Variants in SRRM4 observed in about 807,000 individuals in gnomAD.
SRRM4 encodes serine/arginine repetitive matrix protein 4.
SRRM4 carries 33 observed loss-of-function variants against 68.9 expected under a neutral mutation model. The observed-to-expected ratio is 0.48, with a 90% CI of 0.36 to 0.64. The LOEUF (loss-of-function observed/expected upper bound fraction) is 0.64, where lower values mean the gene tolerates loss of function less well. SRRM4 is among the 30% of genes least tolerant of loss of function. The pLI, the probability that SRRM4 is intolerant of heterozygous loss-of-function variation, is 0.00. For missense variants in SRRM4, 817 were observed against 827.1 expected (o/e 0.99, Z 0.15); for synonymous variants, 318 against 318.8 (o/e 1.00, Z 0.03).
chr12:119,149,244 A>G (rs1395815423), intron 9 of SRRM4, among the ~76,000 whole-genome samples: 4 of 152,206 alleles, frequency 2.6e-5, no homozygotes, highest in Admixed American at 1.3e-4. Flanking sequence ...GCCACTCGGG[A>G]GGCTGAGGCA....
At chr12:119,118,573 C>T (rs1013409510) in intron 4 of SRRM4, among the ~76,000 whole-genome samples, 2 of 152,158 alleles carry the variant, frequency 1.3e-5, no homozygotes, top group Non-Finnish European at 2.9e-5. Flanking sequence ...CATGGGCAAA[C>T]TAATTAGTGA....
rs1330185164 is a variant in SRRM4 at position 119,130,697 on chromosome 12, G to A, written c.634G>A (p.Glu212Lys). ...CCCCAGGCACCGCGGCCGGTCCCCT[G>A]AGGAAGGGCAGAAGTCCCGCCGAAG... ...CESRHRGRSP[E>K]EGQKSRRRHS... Residue 212 changes from glutamate to lysine, a missense_variant, in exon 8 of 13, where the codon GAG becomes AAG. By Grantham distance (56) the Glu-to-Lys change is moderately conservative (BLOSUM62 1). Coordinates refer to ENST00000267260, the MANE Select transcript of SRRM4 (RefSeq NM_194286.4). 1 of 1,611,250 alleles carries A rather than the reference G, an allele frequency of 6.2e-7. No homozygotes were observed. The highest frequency in any genetic ancestry group is 1.7e-5 in the Admixed American group (1 of 59,940).
chr12:119,105,536 A>G (rs921887214), intron 2 of SRRM4, among the ~76,000 whole-genome samples: 3 of 152,180 alleles, frequency 2.0e-5, no homozygotes, highest in South Asian at 4.2e-4. Flanking sequence ...ATGGTATCTC[A>G]TTGTAGTTTT....
At chr12:119,125,646 G>T (rs1270342643) in intron 7 of SRRM4, among the ~76,000 whole-genome samples, 167 bp downstream of exon 7, 1 of 152,200 alleles carries the variant, frequency 6.6e-6, no homozygotes, top group Non-Finnish European at 1.5e-5. Flanking sequence ...GAGAGCCTGG[G>T]TGCGGTGGCT....
chr12:119,032,738 A>G lies in SRRM4; in HGVS notation c.131+50725A>G, dbSNP rs139347715. 6.1e-3 allele frequency among the ~76,000 whole-genome samples: 927 copies of G among 152,292 alleles called. 4 individuals carry two copies. Among genetic ancestry groups the G allele is most frequent in the African/African-American group, 0.019 (803 of 41,564 alleles). ...GATATTGCTGGTTCTTGGAGGTTGGAAAGATCTTACTCTAGAGTGGCCAAG... is the reference window on the plus strand; with the variant it reads ...GATATTGCTGGTTCTTGGAGGTTGGGAAGATCTTACTCTAGAGTGGCCAAG... On this transcript the variant is annotated intron_variant, in intron 1 of 12. Transcript: ENST00000267260.
At chr12:119,063,805 T>A (rs1953829057) in intron 1 of SRRM4, among the ~76,000 whole-genome samples, 1 of 152,086 alleles carries the variant, frequency 6.6e-6, no homozygotes, top group African/African-American at 2.4e-5. Flanking sequence ...AAATAAAGAA[T>A]ACCATCAAAC....
chr12:119,109,461 G>A (rs1429675288), intron 2 of SRRM4, among the ~76,000 whole-genome samples: 1 of 152,180 alleles, frequency 6.6e-6, no homozygotes, highest in Non-Finnish European at 1.5e-5. Flanking sequence ...ATACCAATCA[G>A]ACATAGATTT....
Position 119,125,387 on chromosome 12 carries a change from A to G in SRRM4, c.522A>G (p.Arg174=). The G allele has an allele frequency of 6.2e-7, 1 of 1,612,064 alleles. No homozygotes were observed. Among genetic ancestry groups the G allele is most frequent in the Non-Finnish European group, 8.5e-7 (1 of 1,179,132 alleles). ...TCCTTCTCATCCCCCCAAGATCTCG[A>G]AGCCGGCCCCGAAAGTCTCACCGCC... is the stretch of plus-strand genomic sequence containing the variant. ...RDEKRHKKQS[R]SRPRKSHRHR... The change falls in exon 7 of 13, where the codon CGA becomes CGG. Residue 174 remains arginine, a synonymous_variant. Coordinates refer to ENST00000267260, the MANE Select transcript of SRRM4 (RefSeq NM_194286.4).
At chr12:118,991,313 C>G (rs111674519) in intron 1 of SRRM4, among the ~76,000 whole-genome samples, 1 of 152,214 alleles carries the variant, frequency 6.6e-6, no homozygotes. Flanking sequence ...GAAAGCTCTT[C>G]CTCTCCCCTG....
chr12:119,005,368 C>A (rs1201875139), intron 1 of SRRM4, among the ~76,000 whole-genome samples: 1 of 152,206 alleles, frequency 6.6e-6, no homozygotes, highest in Non-Finnish European at 1.5e-5. Flanking sequence ...AACTTGGAGG[C>A]TCATGGGAAT....
At chr12:119,033,662 C>CAAAA (rs34508021) in intron 1 of SRRM4, among the ~76,000 whole-genome samples, 1 of 139,654 alleles carries the variant, frequency 7.2e-6, no homozygotes, top group African/African-American at 2.7e-5. Flanking sequence ...GACTCCATCT[C>CAAAA]AAAAAAAAAA....
intron 1 of SRRM4, among the ~76,000 whole-genome samples, chr12:118,988,550 G>A (rs1478467657): frequency 6.6e-6 from 1 of 152,162 alleles, no homozygotes; most frequent in Non-Finnish European, 1.5e-5. Flanking sequence ...CCAGTGATGG[G>A]GGGATTATAG....
chr12:119,117,271 T>G (rs972321705), intron 4 of SRRM4, among the ~76,000 whole-genome samples: 2 of 152,132 alleles, frequency 1.3e-5, no homozygotes, highest in African/African-American at 4.8e-5. Context: ...AGCAAGGGGC[T>G]AGAACAAGGA....
chr12:119,073,699 C>A (rs1181502055), intron 1 of SRRM4, among the ~76,000 whole-genome samples: 1 of 152,176 alleles, frequency 6.6e-6, no homozygotes, highest in Non-Finnish European at 1.5e-5. Context: ...TAGCTTACTG[C>A]AGGCTTGAAC....
In SRRM4 at chr12:119,145,703, G is replaced by A; in HGVS notation, c.1076+18G>A. On this transcript the variant is annotated intron_variant, in intron 9 of 12. Coordinates refer to ENST00000267260, the MANE Select transcript of SRRM4 (RefSeq NM_194286.4). ...GAGTCAAGGTCAGTGCACCACACAGGGTCGGGGGTAGACGGTCTCCCACCT... is the reference window on the plus strand; with the variant it reads ...GAGTCAAGGTCAGTGCACCACACAGAGTCGGGGGTAGACGGTCTCCCACCT... 6.7e-7 allele frequency: 1 copy of A among 1,489,376 alleles called. No homozygotes were observed. Among genetic ancestry groups the A allele is most frequent in the East Asian group, 2.4e-5 (1 of 41,508 alleles). The allele number at this position is 1,489,376 out of a possible 1,614,324, so 92.3% of individuals were successfully genotyped here. A position where few individuals can be genotyped will look rare whatever the true frequency, so the allele number is the denominator to read the frequency against.
chr12:118,997,455 G>A (rs1414034848), intron 1 of SRRM4, among the ~76,000 whole-genome samples: 1 of 152,128 alleles, frequency 6.6e-6, no homozygotes, highest in East Asian at 1.9e-4. Flanking sequence ...TGGTCTTAGG[G>A]ATCTCTCTCT....
chr12:119,043,618 C>A (rs1303100746), intron 1 of SRRM4, among the ~76,000 whole-genome samples: 1 of 151,520 alleles, frequency 6.6e-6, no homozygotes, highest in Non-Finnish European at 1.5e-5. Flanking sequence ...CCTAGGAGAC[C>A]AAGGAAGTCA....
chr12:119,060,383 G>A (rs532077071), intron 1 of SRRM4, among the ~76,000 whole-genome samples: 77 of 149,188 alleles, frequency 5.2e-4, no homozygotes, highest in African/African-American at 1.8e-3. Context: ...AACATGGATG[G>A]GCATTTTCAC....
At chr12:119,129,882 TGGA>T (rs1954283382) in intron 7 of SRRM4, among the ~76,000 whole-genome samples, 1 of 149,158 alleles carries the variant, frequency 6.7e-6, no homozygotes, top group African/African-American at 2.5e-5. Context: ...AATGGATGGA[TGGA>T]TGGATGGATG....
Sources: gnomAD v4.1 joint callset for allele counts (sites outside exome capture counted in the v4.1 genomes callset) on GRCh38, gnomAD v4.1.1 for gene constraint, MANE v1.5 for transcripts, NCBI Gene and HGNC (gene_info 2026-07-23, HGNC 2026-07-21) for gene names.